KCNU1: variants seen among roughly 807,000 people sequenced by gnomAD.
KCNU1 encodes potassium calcium-activated channel subfamily U member 1.
KCNU1 carries 93 observed loss-of-function variants against 126.8 expected under a neutral mutation model. The ratio of observed to expected loss-of-function variants is 0.73; its 90% confidence interval spans 0.62 to 0.87. The LOEUF (loss-of-function observed/expected upper bound fraction) is 0.87. KCNU1 is among the 40% of genes least tolerant of loss of function. The pLI is 0.00. For missense variants in KCNU1, 1,330 were observed against 1,367.1 expected (o/e 0.97, Z 0.43); for synonymous variants, 523 against 494.2 (o/e 1.06, Z -0.77).
At chr8:36,833,888 TTATTTATTTCTC>T (rs1186084677) in intron 11 of KCNU1, among the ~76,000 whole-genome samples, 1 of 152,180 alleles carries the variant, frequency 6.6e-6, no homozygotes, top group Non-Finnish European at 1.5e-5. Flanking sequence ...TATATTTAAA[TTATTTATTTCTC>T]AAAATTCTCT....
intron 19 of KCNU1, among the ~76,000 whole-genome samples, chr8:36,885,995 C>T (rs568054619): frequency 6.6e-6 from 1 of 152,284 alleles, no homozygotes; most frequent in East Asian, 1.9e-4. Context: ...CCTCCAAAAA[C>T]AGACCCACGA....
chr8:36,840,388 A>G lies in KCNU1; in HGVS notation c.1519-75A>G. On this transcript the variant is annotated intron_variant, in intron 14 of 26. Coordinates refer to ENST00000399881, the MANE Select transcript of KCNU1 (RefSeq NM_001031836.3). ...CAATGAAGACTTGTTTGTGCTTAGC[A>G]GAATATGCAATGTGAATTCTAACAT... The G allele has an allele frequency of 4.2e-6, 3 of 715,958 alleles. No homozygotes were observed. In the South Asian group the frequency reaches 4.9e-5, roughly 12 times the overall value. 44.4% of individuals were successfully genotyped at this position (715,958 alleles called of 1,614,324 possible). A position where few individuals can be genotyped will look rare whatever the true frequency, so the allele number is the denominator to read the frequency against.
chr8:36,816,435 G>A (rs1468924695), intron 9 of KCNU1, among the ~76,000 whole-genome samples: 1 of 152,162 alleles, frequency 6.6e-6, no homozygotes, highest in Non-Finnish European at 1.5e-5. Flanking sequence ...GCATAATGGA[G>A]ATAGGCTCCC....
At chr8:36,847,850 T>G (rs567900720) in intron 18 of KCNU1, among the ~76,000 whole-genome samples, 21 of 152,364 alleles carry the variant, frequency 1.4e-4, no homozygotes, top group African/African-American at 5.0e-4. Flanking sequence ...CTGGATCATA[T>G]GGTAGATCCA....
intron 19 of KCNU1, among the ~76,000 whole-genome samples, chr8:36,865,773 C>CAAAAA (rs538090899): frequency 1.3e-3 from 81 of 61,298 alleles, no homozygotes; most frequent in Non-Finnish European, 1.6e-3. Context: ...AAGAGCTTGT[C>CAAAAA]AAAAAAAAAA....
chr8:36,933,224 T>C (rs1808754960), intron 26 of KCNU1, among the ~76,000 whole-genome samples, 192 bp downstream of exon 26: 1 of 152,104 alleles, frequency 6.6e-6, no homozygotes, highest in African/African-American at 2.4e-5. Flanking sequence ...ATTAGGGTCC[T>C]ATTAATATTG....
At chr8:36,826,730 CTT>C (rs932462363) in intron 10 of KCNU1, among the ~76,000 whole-genome samples, 1 of 151,700 alleles carries the variant, frequency 6.6e-6, no homozygotes, top group African/African-American at 2.4e-5. Flanking sequence ...AAAAAAGTAA[CTT>C]TTATTTTCAT....
chr8:36,795,093 A>G (rs1193112466), intron 2 of KCNU1, among the ~76,000 whole-genome samples: 1 of 152,232 alleles, frequency 6.6e-6, no homozygotes, highest in Non-Finnish European at 1.5e-5. Flanking sequence ...ATTCTACCCC[A>G]CAGGGCAAAA....
chr8:36,869,913 G>T (rs1354131048), intron 19 of KCNU1, among the ~76,000 whole-genome samples: 1 of 152,056 alleles, frequency 6.6e-6, no homozygotes, highest in Non-Finnish European at 1.5e-5. Flanking sequence ...TCAAGACCTC[G>T]CAAGATTTAA....
In KCNU1 at chr8:36,905,742, C is replaced by G. The variant is rs1436194494; in HGVS notation, c.2044C>G (p.Gln682Glu). 1 of 1,605,872 alleles carries G rather than the reference C, an allele frequency of 6.2e-7. No homozygotes were observed. The highest frequency in any genetic ancestry group is 8.5e-7 in the Non-Finnish European group (1 of 1,173,778). The change falls in exon 20 of 27, where the codon CAG becomes GAG. Residue 682 changes from glutamine (Q) to glutamate (E), a missense_variant. Coordinates refer to ENST00000399881, the MANE Select transcript of KCNU1 (RefSeq NM_001031836.3). The part of the protein sequence containing the change: ...LQHDVEQDSD[Q>E]LDSSGMFHWC... ...ACATGATGTAGAACAAGATTCTGAC[C>G]AGCTTGATAGCAGTGGGATGTTTCA...
intron 19 of KCNU1, among the ~76,000 whole-genome samples, chr8:36,877,643 T>A (rs942657179): frequency 6.6e-6 from 1 of 152,184 alleles, no homozygotes; most frequent in Admixed American, 6.5e-5. Context: ...ATCAAGCTAC[T>A]GTCTTCTCTT....
chr8:36,883,144 A>C (rs1032637183), intron 19 of KCNU1, among the ~76,000 whole-genome samples: 7 of 152,188 alleles, frequency 4.6e-5, no homozygotes, highest in Non-Finnish European at 7.3e-5. Flanking sequence ...CTGAACAATC[A>C]GTGAATTACC....
At chr8:36,875,678 T>A (rs1030592108) in intron 19 of KCNU1, among the ~76,000 whole-genome samples, 1 of 152,158 alleles carries the variant, frequency 6.6e-6, no homozygotes, top group African/African-American at 2.4e-5. Context: ...ATATTCACAT[T>A]TTATTACAAG....
intron 20 of KCNU1, among the ~76,000 whole-genome samples, chr8:36,908,614 C>T (rs1238437937): frequency 1.3e-5 from 2 of 149,272 alleles, no homozygotes; most frequent in Non-Finnish European, 3.0e-5. Flanking sequence ...TATTCTCACT[C>T]ATAGGTGGGA....
In KCNU1 at chr8:36,808,761, A is replaced by T. The variant is rs751937090; in HGVS notation, c.700A>T (p.Thr234Ser). ...FSKLLSIILS[T>S]WFTAAGFIHL... is the part of the protein sequence containing the mutation. ...CAAACTGCTGTCAATAATTCTCAGT[A>T]CCTGGTTCACAGCTGCGGGATTCAT... The change falls in exon 7 of 27, where the codon ACC (threonine) becomes TCC (serine). Residue 234 changes from threonine to serine, a missense_variant. Thr to Ser is a moderately conservative substitution (Grantham distance 58, BLOSUM62 1). This residue lies in a region of KCNU1 where 29 missense variants were observed against 57.8 expected (regional missense o/e 0.50). Coordinates refer to ENST00000399881, the MANE Select transcript of KCNU1 (RefSeq NM_001031836.3). 6.2e-7 allele frequency: 1 copy of T among 1,611,858 alleles called. No homozygotes were observed. The highest frequency in any genetic ancestry group is 1.1e-5 in the South Asian group (1 of 90,650).
chr8:36,833,391 C>T (rs536876659), intron 10 of KCNU1, among the ~76,000 whole-genome samples, 163 bp from the exon 11 acceptor site: 1 of 152,228 alleles, frequency 6.6e-6, no homozygotes, highest in African/African-American at 2.4e-5. Flanking sequence ...CTTCTTCATC[C>T]TTAGTAATTA....
rs191052391 is a variant in KCNU1, at chr8:36,809,103, A to C, written c.732+310A>C. ...TATCTTATAAGGGTTCTAGCATTAA[A>C]AAAAGATTAAAAAGTGAAGGAAATG... On this transcript the variant is annotated intron_variant, in intron 7 of 26. Transcript: ENST00000399881. Among the ~76,000 whole-genome samples the C allele has an allele frequency of 3.3e-5, 5 of 152,302 alleles. No individual in the cohort carries two copies. In the East Asian group the frequency reaches 9.7e-4, roughly 29 times the overall value.
At chr8:36,930,708 G>A (rs1455044408) in intron 24 of KCNU1, among the ~76,000 whole-genome samples, 1 of 152,076 alleles carries the variant, frequency 6.6e-6, no homozygotes, top group African/African-American at 2.4e-5. Flanking sequence ...TTCTTCATCC[G>A]AAGTGTAATC....
At chr8:36,924,987 A>G (rs1208848810) in intron 24 of KCNU1, among the ~76,000 whole-genome samples, 2 of 152,180 alleles carry the variant, frequency 1.3e-5, no homozygotes, top group East Asian at 3.9e-4. Flanking sequence ...TGAACACACA[A>G]TCACAAGCCA....
Sources: gnomAD v4.1 joint callset for allele counts (sites outside exome capture counted in the v4.1 genomes callset) on GRCh38, gnomAD v4.1.1 for gene constraint, gnomAD v4.1.1 regional missense constraint, MANE v1.5 for transcripts, NCBI Gene and HGNC (gene_info 2026-07-23, HGNC 2026-07-21) for gene names.